FHOD3: variants seen among roughly 807,000 people sequenced by gnomAD.
The protein encoded by FHOD3 is formin homology 2 domain containing 3.
A neutral mutation model predicts 173.0 loss-of-function variants in FHOD3; 90 were observed. The observed-to-expected ratio is 0.52, with a 90% CI of 0.44 to 0.62. The LOEUF (loss-of-function observed/expected upper bound fraction) is 0.62. FHOD3 is among the 20% of genes least tolerant of loss of function. The pLI is 0.00. For missense variants in FHOD3, 1,945 were observed against 2,034.7 expected, an observed-to-expected ratio of 0.96 and a Z score of 0.85; for synonymous variants, 828 against 823.0, an observed-to-expected ratio of 1.01 and a Z score of -0.10.
chr18:36,576,826 G>C (rs2148004748), intron 6 of FHOD3, among the ~76,000 whole-genome samples: 1 of 152,318 alleles, frequency 6.6e-6, no homozygotes, highest in Non-Finnish European at 1.5e-5. Context: ...CATAGGGCCG[G>C]GCGTGGTGGC....
chr18:36,357,245 T>G (rs1262949612), intron 2 of FHOD3, among the ~76,000 whole-genome samples: 1 of 152,220 alleles, frequency 6.6e-6, no homozygotes, highest in Non-Finnish European at 1.5e-5. Flanking sequence ...TTTAACACCC[T>G]TCACAATTTA....
chr18:36,443,362 A>G (rs913522281), intron 3 of FHOD3, among the ~76,000 whole-genome samples: 1 of 152,222 alleles, frequency 6.6e-6, no homozygotes, highest in Non-Finnish European at 1.5e-5. Context: ...ATTTATTTGT[A>G]TCAGTATGAA....
Position 36,730,722 on chromosome 18 carries a change from T to G in FHOD3, c.3494T>G (p.Leu1165Arg). The change falls in exon 20 of 29, where the codon CTG becomes CGG. Residue 1165 changes from leucine to arginine, a missense_variant. By Grantham distance (102) the Leu-to-Arg change is moderately radical. Coordinates refer to ENST00000590592, the MANE Select transcript of FHOD3 (RefSeq NM_001281740.3). The stretch of plus-strand genomic sequence containing the variant: ...AGGAGTAACGCCATCAATATTGGTC[T>G]GACGGTGCTGCCCCCTCCAAGGACG... ...SKRSNAINIG[L>R]TVLPPPRTIK... 6.2e-7 allele frequency: 1 copy of G among 1,614,220 alleles called. No homozygotes were observed. The highest frequency in any genetic ancestry group is 8.5e-7 in the Non-Finnish European group (1 of 1,180,032).
At chr18:36,383,015 C>T (rs1481564943) in intron 3 of FHOD3, among the ~76,000 whole-genome samples, 1 of 152,174 alleles carries the variant, frequency 6.6e-6, no homozygotes, top group Non-Finnish European at 1.5e-5. Context: ...GTGTGATTGT[C>T]AGGGAGACTT....
rs1460800215 is a variant in FHOD3, at chr18:36,718,159, T to C, written c.2861T>C (p.Ile954Thr). ...AGTGGGGACCTGGGGAGAGGTTCCA[T>C]CTCCCCTGATGCTGAGCCCAATGAC... is the stretch of plus-strand genomic sequence containing the variant. ...FNSGDLGRGSISPDAEPNDKV... is the reference protein window; with the variant it reads ...FNSGDLGRGSTSPDAEPNDKV... Residue 954 changes from isoleucine to threonine, a missense_variant, in exon 19 of 29, where the codon ATC becomes ACC. By Grantham distance (89) the Ile-to-Thr change is moderately conservative. Around this residue, in one of 5 missense-constraint regions of FHOD3, gnomAD observed 1,099 missense variants for 1,051.2 expected, o/e 1.05. Transcript: ENST00000590592. 3.7e-6 allele frequency: 6 copies of C among 1,610,412 alleles called. No individual in the cohort carries two copies. Among genetic ancestry groups the C allele is most frequent in the Non-Finnish European group, 5.1e-6 (6 of 1,178,146 alleles).
intron 6 of FHOD3, 83 bp from the exon 7 acceptor site, chr18:36,594,704 G>T (rs2030011104): frequency 2.3e-6 from 2 of 853,738 alleles, no homozygotes; most frequent in Admixed American, 4.4e-5. Context: ...GGAAGTGCTG[G>T]GTGCCCGCTG....
At chr18:36,702,074 G>C (rs1030919390) in intron 17 of FHOD3, among the ~76,000 whole-genome samples, 1 of 152,228 alleles carries the variant, frequency 6.6e-6, no homozygotes, top group Non-Finnish European at 1.5e-5. Flanking sequence ...AATTTCTTTT[G>C]TGAAGCTGAG....
intron 4 of FHOD3, among the ~76,000 whole-genome samples, chr18:36,510,779 T>G (rs1034244357): frequency 6.6e-6 from 1 of 152,212 alleles, no homozygotes; most frequent in Non-Finnish European, 1.5e-5. Context: ...ACTCATGATA[T>G]TGTCCCATTT....
chr18:36,497,431 T>C (rs1025132468), intron 3 of FHOD3, among the ~76,000 whole-genome samples: 2 of 152,144 alleles, frequency 1.3e-5, no homozygotes, highest in African/African-American at 2.4e-5. Context: ...AGTGAATGCA[T>C]AGCAATTAGA....
intron 8 of FHOD3, 53 bp from the exon 9 acceptor site, chr18:36,611,898 GC>G: frequency 6.5e-7 from 1 of 1,540,914 alleles, no homozygotes; most frequent in Non-Finnish European, 8.8e-7. Flanking sequence ...TGCCCTGAGA[GC>G]CTCAAGGCAG....
At chr18:36,479,579 A>G (rs1381151831) in intron 3 of FHOD3, among the ~76,000 whole-genome samples, 1 of 135,250 alleles carries the variant, frequency 7.4e-6, no homozygotes, top group East Asian at 2.3e-4. Context: ...GGGCCATTTT[A>G]GGAATGTGTA....
intron 10 of FHOD3, among the ~76,000 whole-genome samples, chr18:36,630,657 G>C (rs995359569): frequency 6.6e-5 from 10 of 152,192 alleles, no homozygotes; most frequent in African/African-American, 2.2e-4. Flanking sequence ...CTGTTCAGAG[G>C]AAGAGGAACC....
intron 18 of FHOD3, among the ~76,000 whole-genome samples, chr18:36,715,182 C>T (rs2040380487): frequency 1.3e-5 from 2 of 152,192 alleles, no homozygotes; most frequent in Admixed American, 1.3e-4. Flanking sequence ...CCCATAATCC[C>T]CACAGGTCAT....
intron 1 of FHOD3, among the ~76,000 whole-genome samples, chr18:36,348,501 A>G (rs191088131): frequency 2.0e-5 from 3 of 152,296 alleles, no homozygotes; most frequent in Admixed American, 2.0e-4. Context: ...TAAGGTTGCT[A>G]TCTTGAAATT....
At chr18:36,481,020 GTTTTTTTTT>G (rs35793521) in intron 3 of FHOD3, among the ~76,000 whole-genome samples, 7 of 104,440 alleles carry the variant, frequency 6.7e-5, no homozygotes, top group South Asian at 3.2e-4. Flanking sequence ...TTGGGAGGTG[GTTTTTTTTT>G]TTTTTTTTTT....
intron 14 of FHOD3, among the ~76,000 whole-genome samples, chr18:36,669,356 A>G (rs1424188529): frequency 6.6e-6 from 1 of 151,870 alleles, no homozygotes; most frequent in Non-Finnish European, 1.5e-5. Context: ...TAGGCAATAT[A>G]GTGTTGAATC....
chr18:36,625,939 G>A (rs1296646745), intron 10 of FHOD3, among the ~76,000 whole-genome samples, 190 bp downstream of exon 10: 1 of 152,028 alleles, frequency 6.6e-6, no homozygotes, highest in Non-Finnish European at 1.5e-5. Flanking sequence ...GGCCCCTGGC[G>A]ACTTTTACAG....
At chr18:36,536,443 C>T (rs369303251) in intron 5 of FHOD3, among the ~76,000 whole-genome samples, 4 of 152,306 alleles carry the variant, frequency 2.6e-5, no homozygotes, top group Admixed American at 2.0e-4. Flanking sequence ...AGTCAGCGCC[C>T]GCTGTGCCCA....
intron 3 of FHOD3, among the ~76,000 whole-genome samples, chr18:36,464,207 C>T (rs751461047): frequency 2.0e-5 from 3 of 152,096 alleles, no homozygotes; most frequent in South Asian, 4.2e-4. Flanking sequence ...TCAATATTGA[C>T]GTGTCGAAGA....
Sources: allele counts gnomAD v4.1 joint callset (sites outside exome capture counted in the v4.1 genomes callset), GRCh38; gene constraint gnomAD v4.1.1; regional missense constraint gnomAD v4.1.1; transcripts MANE v1.5; gene names NCBI Gene and HGNC (gene_info 2026-07-23, HGNC 2026-07-21).